Variants in WNK2 observed in about 807,000 individuals in gnomAD.
WNK2 encodes WNK lysine deficient protein kinase 2, also known as serine/threonine-protein kinase WNK2.
In WNK2, 67 loss-of-function variants were observed where a neutral mutation model predicts 192.1. That is an observed-to-expected ratio of 0.35 (90% CI 0.29 to 0.43). The LOEUF (loss-of-function observed/expected upper bound fraction) is 0.43, where lower values mean the gene tolerates loss of function less well. Ranked by LOEUF, WNK2 falls within the 20% of genes least tolerant of loss-of-function variation. WNK2 has a pLI of 1.00. For missense variants in WNK2, 2,698 were observed against 3,089.7 expected (o/e 0.87, Z 3.01); for synonymous variants, 1,439 against 1,393.9 (o/e 1.03, Z -0.72).
Position 93,257,201 on chromosome 9 carries a change from G to T in WNK2, c.2382+62G>T, listed in dbSNP as rs1588229459. On this transcript the variant is annotated intron_variant, in intron 11 of 29. Transcript: ENST00000427277. This position sits in a 1 kb window ranked among gnomAD's most constrained non-coding sequence, Gnocchi z 4.7. ...CACGCTTTGCCAGGCCCTGGCTGGT[G>T]CACTAGGACACCCACAGAGGGGGTT... The T allele has an allele frequency of 1.3e-6, 2 of 1,529,600 alleles. No homozygotes were observed. Among genetic ancestry groups the T allele is most frequent in the East Asian group, 2.3e-5 (1 of 43,896 alleles). The allele number at this position is 1,529,600 out of a possible 1,614,324, so 94.8% of individuals were successfully genotyped here.
chr9:93,267,982 G>T, intron 17 of WNK2, 38 bp from the exon 18 acceptor site: 1 of 1,606,928 alleles, frequency 6.2e-7, no homozygotes, highest in Admixed American at 1.7e-5. Flanking sequence ...GGGCGCTGCA[G>T]CTCAGTGGGC....
At chr9:93,218,134 G>A (rs1836100386) in intron 2 of WNK2, among the ~76,000 whole-genome samples, 1 of 152,116 alleles carries the variant, frequency 6.6e-6, no homozygotes, top group African/African-American at 2.4e-5. Flanking sequence ...TTTGAACCCT[G>A]TGTGGGGGCA....
chr9:93,195,699 C>CAAAAAAAAAAAAAAAAAAAAAA (rs59357990), intron 2 of WNK2, among the ~76,000 whole-genome samples: 3 of 41,670 alleles, frequency 7.2e-5, no homozygotes, highest in African/African-American at 2.3e-4. Flanking sequence ...GACTTTGTCT[C>CAAAAAAAAAAAAAAAAAAAAAA]AAAAAAAAAA....
chr9:93,189,437 G>A (rs1405230554), intron 2 of WNK2, among the ~76,000 whole-genome samples: 1 of 152,240 alleles, frequency 6.6e-6, no homozygotes, highest in African/African-American at 2.4e-5. Flanking sequence ...TGGGGGCGCT[G>A]CTTCTAGTTC....
At chr9:93,254,838 G>T (rs951303787) in intron 9 of WNK2, among the ~76,000 whole-genome samples, 1 of 152,144 alleles carries the variant, frequency 6.6e-6, no homozygotes, top group East Asian at 1.9e-4. Flanking sequence ...AAGGCTACTT[G>T]CTGCTCCAGA....
intron 8 of WNK2, among the ~76,000 whole-genome samples, chr9:93,248,538 T>C (rs1299094029): frequency 6.6e-6 from 1 of 152,232 alleles, no homozygotes; most frequent in Admixed American, 6.5e-5. Flanking sequence ...TGGTGGGACA[T>C]CTGTCCTAGG....
At chr9:93,187,388 A>G (rs1048292087) in intron 2 of WNK2, among the ~76,000 whole-genome samples, 3 of 151,852 alleles carry the variant, frequency 2.0e-5, no homozygotes, top group Admixed American at 6.6e-5. Context: ...CTTTTTGTCT[A>G]TATGTTGATG....
At chr9:93,277,185 C>G (rs902391419) in intron 19 of WNK2, among the ~76,000 whole-genome samples, 2 of 152,208 alleles carry the variant, frequency 1.3e-5, no homozygotes, top group Non-Finnish European at 2.9e-5. Context: ...GGAGGCATCA[C>G]TGCACACCTG....
At chr9:93,308,205 GTGCTGCC>G in intron 27 of WNK2, 116 bp from the exon 28 acceptor site, 1 of 1,453,840 alleles carries the variant, frequency 6.9e-7, no homozygotes, top group Non-Finnish European at 9.1e-7. Flanking sequence ...TTGAAGCAAG[GTGCTGCC>G]TGGCCCAAGT....
chr9:93,320,513 A>G lies in WNK2; in HGVS notation c.*121A>G, dbSNP rs1203963375. ...TGTAACCACTTTCTAAGCATTTTTT[A>G]TTCACAATTGGAAACACAAATGTAA... On this transcript the variant is annotated 3_prime_UTR_variant, in exon 30 of 30. Coordinates refer to ENST00000427277, the MANE Select transcript of WNK2 (RefSeq NM_006648.4). 9.1e-7 allele frequency: 1 copy of G among 1,099,482 alleles called. No homozygotes were observed. The highest frequency in any genetic ancestry group is 5.0e-5 in the East Asian group (1 of 19,940). 68.1% of individuals were successfully genotyped at this position (1,099,482 alleles called of 1,614,324 possible). A position where few individuals can be genotyped will look rare whatever the true frequency, so the allele number is the denominator to read the frequency against.
At position 93,299,185 on chromosome 9, in the gene WNK2, C is replaced by G; in HGVS notation, c.6039C>G (p.Pro2013=). 6.2e-7 allele frequency: 1 copy of G among 1,607,862 alleles called. No homozygotes were observed. The highest frequency in any genetic ancestry group is 8.5e-7 in the Non-Finnish European group (1 of 1,176,084). ...LSGKAVQTQQ[P]CSVRASLSSD... ...GGAAGGCAGTGCAGACCCAGCAGCC[C>G]TGCTCCGTCCGGGCCTCCCTGTCTT... Residue 2013 remains proline (P), a synonymous_variant, in exon 25 of 30, where the codon CCC becomes CCG. Coordinates refer to ENST00000427277, the MANE Select transcript of WNK2 (RefSeq NM_006648.4).
intron 29 of WNK2, chr9:93,318,884 G>A: frequency 7.1e-7 from 1 of 1,402,704 alleles, no homozygotes; most frequent in East Asian, 2.5e-5. Context: ...GACTGCTTGG[G>A]ACTGCCCAGC....
rs1841857828 is a variant in WNK2, at chr9:93,247,122, C to T, written c.1543-421C>T. On this transcript the variant is annotated intron_variant, in intron 7 of 29. Coordinates refer to ENST00000427277, the MANE Select transcript of WNK2 (RefSeq NM_006648.4). This position sits in a 1 kb window ranked among gnomAD's most constrained non-coding sequence, Gnocchi z 5.2. ...TGCAACTCGGGTGTGGCCCCGTTCC[C>T]CATCTTTGGGCAGCCCCAGACTCAG... Among the ~76,000 whole-genome samples the T allele has an allele frequency of 6.6e-6, 1 of 152,220 alleles. No homozygotes were observed. The highest frequency in any genetic ancestry group is 1.5e-5 in the Non-Finnish European group (1 of 68,050).
intron 4 of WNK2, among the ~76,000 whole-genome samples, chr9:93,232,487 G>A (rs975199907): frequency 1.3e-5 from 2 of 152,186 alleles, no homozygotes; most frequent in African/African-American, 4.8e-5. Context: ...GGCAGATTTT[G>A]CAAATTTGGC....
chr9:93,229,615 T>C lies in WNK2; in HGVS notation c.682-81T>C. 1 of 1,489,332 alleles carries C rather than the reference T, an allele frequency of 6.7e-7. No individual in the cohort carries two copies. Among genetic ancestry groups the C allele is most frequent in the Non-Finnish European group, 9.1e-7 (1 of 1,104,926 alleles). 92.3% of individuals were successfully genotyped at this position (1,489,332 alleles called of 1,614,324 possible). The stretch of plus-strand genomic sequence containing the variant: ...TATGGGAAGGGCTGGTCCTACTGTG[T>C]GGCGCTGCTGGGATGTGACGCCACC... On this transcript the variant is annotated intron_variant, in intron 2 of 29. Coordinates refer to ENST00000427277, the MANE Select transcript of WNK2 (RefSeq NM_006648.4). The surrounding 1 kb of genome is among the most constrained non-coding windows in gnomAD (Gnocchi z 4.9).
intron 4 of WNK2, 94 bp downstream of exon 4, chr9:93,231,202 G>A: frequency 3.2e-6 from 4 of 1,252,228 alleles, no homozygotes; most frequent in South Asian, 2.6e-5. Flanking sequence ...CAGACCTGGT[G>A]CAGGAGACCC....
At position 93,219,030 on chromosome 9, in the gene WNK2, C is replaced by T. The variant is rs1003390582; in HGVS notation, c.682-10666C>T. 2.0e-4 allele frequency among the ~76,000 whole-genome samples: 30 copies of T among 152,268 alleles called. 1 individual carries two copies. Among genetic ancestry groups the T allele is most frequent in the Admixed American group, 1.9e-3 (29 of 15,304 alleles). ...TGGCACCAGGACTTGTGGCTGAGAC[C>T]GGGGCCAGGCCTGTGTCCCTCTGCC... On this transcript the variant is annotated intron_variant, in intron 2 of 29. Coordinates refer to ENST00000427277, the MANE Select transcript of WNK2 (RefSeq NM_006648.4).
intron 2 of WNK2, among the ~76,000 whole-genome samples, chr9:93,208,730 GT>G (rs1833895204): frequency 7.4e-3 from 2 of 270 alleles, no homozygotes; most frequent in Admixed American, 0.071. Flanking sequence ...CTTCGTGCGT[GT>G]TCTGTGTGTG....
intron 28 of WNK2, among the ~76,000 whole-genome samples, chr9:93,314,326 T>C (rs745536173): frequency 6.6e-6 from 1 of 151,794 alleles, no homozygotes; most frequent in Non-Finnish European, 1.5e-5. Flanking sequence ...TGCATACCTA[T>C]AGTTACAGCT....
Sources: allele counts gnomAD v4.1 joint callset (sites outside exome capture counted in the v4.1 genomes callset), GRCh38; gene constraint gnomAD v4.1.1; non-coding constraint Gnocchi (gnomAD v3.1); transcripts MANE v1.5; gene names NCBI Gene and HGNC (gene_info 2026-07-23, HGNC 2026-07-21).